The following STK32B variants were observed in gnomAD, a reference collection of about 807,000 sequenced individuals.
STK32B encodes serine/threonine kinase 32B.
STK32B carries 43 observed loss-of-function variants against 52.6 expected under a neutral mutation model. That is an observed-to-expected ratio of 0.82 (90% CI 0.64 to 1.05). STK32B has a LOEUF of 1.05. Ranked by LOEUF, STK32B falls within the 50% of genes least tolerant of loss-of-function variation. The pLI, the probability that STK32B is intolerant of heterozygous loss-of-function variation, is 0.00. For synonymous variants in STK32B, 238 were observed against 204.3 expected (o/e 1.17, Z -1.41); for missense variants, 621 against 534.6 (o/e 1.16, Z -1.59).
chr4:5,214,925 C>G (rs1345596343), intron 3 of STK32B, among the ~76,000 whole-genome samples: 1 of 152,112 alleles, frequency 6.6e-6, no homozygotes, highest in Non-Finnish European at 1.5e-5. Flanking sequence ...TTTTGTGTCT[C>G]CAGACTATGT....
At chr4:5,226,615 A>G (rs1723891418) in intron 3 of STK32B, among the ~76,000 whole-genome samples, 1 of 152,200 alleles carries the variant, frequency 6.6e-6, no homozygotes, top group Admixed American at 6.5e-5. Context: ...TAGCAGATCA[A>G]CTGTCAGAGT....
chr4:5,211,783 C>A (rs1722920719), intron 3 of STK32B, among the ~76,000 whole-genome samples: 1 of 152,174 alleles, frequency 6.6e-6, no homozygotes. Context: ...CACATTTGTT[C>A]ATTTGAAAAG....
chr4:5,025,828 C>T, the STK32B span, among the ~76,000 whole-genome samples: 1 of 152,212 alleles, frequency 6.6e-6, no homozygotes. Context: ...ACAATGTGAT[C>T]ACACATATTG....
At chr4:5,430,919 AG>A (rs1269906521) in intron 6 of STK32B, among the ~76,000 whole-genome samples, 1 of 152,154 alleles carries the variant, frequency 6.6e-6, no homozygotes, top group African/African-American at 2.4e-5. Flanking sequence ...CCTGTTCTCT[AG>A]CAATAGGCTT....
At chr4:5,175,582 C>G (rs1289429508) in intron 3 of STK32B, among the ~76,000 whole-genome samples, 1 of 152,218 alleles carries the variant, frequency 6.6e-6, no homozygotes, top group Non-Finnish European at 1.5e-5. Context: ...GACCCCGTTT[C>G]CCTGGGTATC....
the STK32B span, among the ~76,000 whole-genome samples, chr4:5,043,895 G>T: frequency 2.6e-5 from 4 of 152,358 alleles, no homozygotes; most frequent in South Asian, 8.3e-4. Flanking sequence ...CAAGCTCAGG[G>T]CATGTTGGCT....
At chr4:5,271,998 C>T (rs1727469907) in intron 3 of STK32B, among the ~76,000 whole-genome samples, 1 of 148,810 alleles carries the variant, frequency 6.7e-6, no homozygotes, top group Non-Finnish European at 1.5e-5. Context: ...CCCTTTATTT[C>T]CTTCTCCTGC....
intron 11 of STK32B, among the ~76,000 whole-genome samples, chr4:5,492,802 T>G (rs2108728172): frequency 6.6e-6 from 1 of 151,502 alleles, no homozygotes; most frequent in Non-Finnish European, 1.5e-5. Context: ...TTGAATTTTG[T>G]CAAAGGCCTT....
chr4:5,185,299 G>T (rs896467439), intron 3 of STK32B, among the ~76,000 whole-genome samples: 3 of 152,120 alleles, frequency 2.0e-5, no homozygotes, highest in Admixed American at 6.5e-5. Context: ...ACATTCTCAG[G>T]ATGAGAACAG....
chr4:5,101,148 A>G (rs1317024064), intron 1 of STK32B, among the ~76,000 whole-genome samples: 1 of 152,176 alleles, frequency 6.6e-6, no homozygotes, highest in African/African-American at 2.4e-5. Context: ...CCCTCAAGCA[A>G]TGCTCCTGCC....
intron 2 of STK32B, among the ~76,000 whole-genome samples, chr4:5,145,322 A>G (rs1716826661): frequency 6.6e-6 from 1 of 152,216 alleles, no homozygotes; most frequent in Non-Finnish European, 1.5e-5. Context: ...TTCTCCTTAA[A>G]TATTTCAGCC....
intron 3 of STK32B, among the ~76,000 whole-genome samples, chr4:5,328,330 G>A (rs1179613946): frequency 6.6e-6 from 1 of 152,178 alleles, no homozygotes; most frequent in African/African-American, 2.4e-5. Context: ...AGCCTATCTT[G>A]GCATTTGGCA....
intron 11 of STK32B, among the ~76,000 whole-genome samples, chr4:5,489,125 G>T (rs951255224): frequency 6.6e-6 from 1 of 152,120 alleles, no homozygotes; most frequent in Admixed American, 6.6e-5. Flanking sequence ...GACATTTAAT[G>T]AGTACCTATT....
At position 5,064,275 on chromosome 4, in the gene STK32B, A is replaced by G. The variant is rs552927641; in HGVS notation, c.52+12360A>G. On this transcript the variant is annotated intron_variant, in intron 1 of 11. Coordinates refer to ENST00000282908, the MANE Select transcript of STK32B (RefSeq NM_018401.3). ...TAATATATAAAAACATATATGATAT[A>G]TATTTATTATATATTACATGTAAAG... 1.3e-3 allele frequency among the ~76,000 whole-genome samples: 192 copies of G among 145,608 alleles called. 3 individuals carry two copies. In the East Asian group the frequency reaches 0.03, roughly 23 times the overall value.
chr4:5,382,581 T>A (rs1736002836), intron 4 of STK32B, among the ~76,000 whole-genome samples: 1 of 152,108 alleles, frequency 6.6e-6, no homozygotes, highest in African/African-American at 2.4e-5. Context: ...GTGGTCTTCC[T>A]AAAGAGCAAA....
Position 5,288,695 on chromosome 4 carries a change from TCTG to T in STK32B, c.261-42522_261-42520del, listed in dbSNP as rs1211768624. On this transcript the variant is annotated intron_variant, in intron 3 of 11. Transcript: ENST00000282908. ...GGTTTTTCATTCTCTGGATTGTCTT[TCTG>T]CTTTCTTGATAGTGTCCTTTGGAAC... Among the ~76,000 whole-genome samples the T allele has an allele frequency of 4.6e-5, 7 of 152,222 alleles. No individual in the cohort carries two copies. The East Asian group carries it at 1.3e-3, about 29-fold the overall frequency.
intron 3 of STK32B, among the ~76,000 whole-genome samples, chr4:5,269,082 C>T (rs1405545278): frequency 6.6e-6 from 1 of 152,088 alleles, no homozygotes; most frequent in African/African-American, 2.4e-5. Flanking sequence ...AAGACCAAGG[C>T]AGCTAGAGTT....
intron 2 of STK32B, among the ~76,000 whole-genome samples, chr4:5,145,264 A>G (rs938292352): frequency 2.6e-5 from 4 of 152,280 alleles, no homozygotes; most frequent in Non-Finnish European, 2.9e-5. Context: ...ACATCAATCC[A>G]TCTTATTTTT....
chr4:5,051,199 C>A (rs1042435257), upstream of STK32B, among the ~76,000 whole-genome samples: 1 of 152,134 alleles, frequency 6.6e-6, no homozygotes, highest in South Asian at 2.1e-4. Flanking sequence ...GCCCCTCTAC[C>A]TCTAGACCTC....
Sources: gnomAD v4.1 joint callset for allele counts (sites outside exome capture counted in the v4.1 genomes callset) on GRCh38, gnomAD v4.1.1 for gene constraint, MANE v1.5 for transcripts, NCBI Gene and HGNC (gene_info 2026-07-23, HGNC 2026-07-21) for gene names.